The following LGALS3 variants were observed in gnomAD, a reference collection of about 807,000 sequenced individuals.
LGALS3 encodes galectin 3, also known as galectin-3.
In LGALS3, 18 loss-of-function variants were observed where a neutral mutation model predicts 20.7. The observed-to-expected ratio is 0.87, with a 90% CI of 0.60 to 1.29. The LOEUF is 1.29. Among genes scored for constraint, LGALS3 ranks in the 50% most tolerant of loss-of-function variants. LGALS3 has a pLI of 0.00. For synonymous variants in LGALS3, 112 were observed against 119.6 expected, an observed-to-expected ratio of 0.94 and a Z score of 0.42; for missense variants, 315 against 314.7, an observed-to-expected ratio of 1.00 and a Z score of -0.01.
chr14:55,138,031 G>A lies in LGALS3; in HGVS notation c.19-14G>A, dbSNP rs777654038. 6 of 1,491,074 alleles carry A rather than the reference G, an allele frequency of 4.0e-6. No individual in the cohort carries two copies. The South Asian group carries it at 7.4e-5, about 18-fold the overall frequency. 92.4% of individuals were successfully genotyped at this position (1,491,074 alleles called of 1,614,324 possible). A position where few individuals can be genotyped will look rare whatever the true frequency, so the allele number is the denominator to read the frequency against. The stretch of plus-strand genomic sequence containing the variant: ...TGCTTTCTGTCCCGTAATTGTGTAT[G>A]TCTTTCTTTCCAGCTCCATGATGCG... On this transcript the variant is annotated splice_polypyrimidine_tract_variant and intron_variant, in intron 2 of 5. Coordinates refer to ENST00000254301, the MANE Select transcript of LGALS3 (RefSeq NM_002306.4).
intron 4 of LGALS3, among the ~76,000 whole-genome samples, chr14:55,141,363 G>A (rs1458992618): frequency 6.6e-6 from 1 of 152,058 alleles, no homozygotes; most frequent in East Asian, 1.9e-4. Flanking sequence ...GTCCTTATCC[G>A]TATTTCCTCC....
intron 1 of LGALS3, among the ~76,000 whole-genome samples, chr14:55,132,621 G>A (rs1055857633): frequency 1.3e-5 from 2 of 152,106 alleles, no homozygotes; most frequent in Non-Finnish European, 2.9e-5. Context: ...AGGCTGGAGT[G>A]CAGTGGTGCC....
chr14:55,141,874 C>T (rs755934999), intron 4 of LGALS3, among the ~76,000 whole-genome samples: 4 of 152,140 alleles, frequency 2.6e-5, no homozygotes, highest in East Asian at 3.9e-4. Flanking sequence ...CTGGTGTTAC[C>T]GCTCTATAGA....
intron 4 of LGALS3, 66 bp downstream of exon 4, chr14:55,140,429 A>G: frequency 1.0e-6 from 1 of 992,696 alleles, no homozygotes; most frequent in South Asian, 1.5e-5. Context: ...AGAATGGCCT[A>G]CTTTTTTTCT....
In LGALS3 at chr14:55,129,473, C is replaced by T. The variant is rs1310774230; in HGVS notation, c.-5+173C>T. ...CCTCCAGGAGCGGGGCGGCGGGCAG[C>T]GATCTGGGCCCGGGGCAGTCGCCTT... is the stretch of plus-strand genomic sequence containing the variant. On this transcript the variant is annotated intron_variant, in intron 1 of 5. Transcript: ENST00000254301. The surrounding 1 kb of genome is among the most constrained non-coding windows in gnomAD (Gnocchi z 5.3). Among the ~76,000 whole-genome samples the T allele has an allele frequency of 6.6e-6, 1 of 152,102 alleles. No individual in the cohort carries two copies. Among genetic ancestry groups the T allele is most frequent in the Non-Finnish European group, 1.5e-5 (1 of 67,998 alleles).
At chr14:55,137,278 T>C (rs1388785867) in intron 1 of LGALS3, 92 bp from the exon 2 acceptor site, 4 of 1,205,796 alleles carry the variant, frequency 3.3e-6, no homozygotes, top group Non-Finnish European at 5.0e-6. Flanking sequence ...TAGAGATGGA[T>C]TAGAACTGCA....
At chr14:55,134,457 G>T (rs773220899) in intron 1 of LGALS3, among the ~76,000 whole-genome samples, 3 of 152,218 alleles carry the variant, frequency 2.0e-5, no homozygotes, top group Admixed American at 6.5e-5. Context: ...GGTGGAAGAA[G>T]TATGTGTAAT....
intron 3 of LGALS3, among the ~76,000 whole-genome samples, chr14:55,138,963 A>C (rs1182663591): frequency 1.3e-5 from 2 of 152,234 alleles, no homozygotes; most frequent in South Asian, 4.1e-4. Flanking sequence ...CTTCCTTTCC[A>C]GATTTATAAT....
intron 4 of LGALS3, among the ~76,000 whole-genome samples, chr14:55,140,854 C>T (rs1881599170): frequency 6.6e-6 from 1 of 152,118 alleles, no homozygotes; most frequent in South Asian, 2.1e-4. Context: ...ATGAGGTGGG[C>T]TAGGATGGGG....
chr14:55,142,879 C>G, intron 5 of LGALS3, 130 bp downstream of exon 5: 1 of 667,214 alleles, frequency 1.5e-6, no homozygotes, highest in South Asian at 2.2e-5. Context: ...TATCTTCTCC[C>G]TGCCCAGGGG....
At chr14:55,142,824 T>G in intron 5 of LGALS3, 75 bp downstream of exon 5, 9 of 1,228,538 alleles carry the variant, frequency 7.3e-6, no homozygotes, top group Non-Finnish European at 1.0e-5. Context: ...CCAAAGCACT[T>G]GAAGTGAGAG....
chr14:55,138,241 G>T lies in LGALS3; in HGVS notation c.215G>T (p.Gly72Val). 6.2e-7 allele frequency: 1 copy of T among 1,612,688 alleles called. No homozygotes were observed. The highest frequency in any genetic ancestry group is 8.5e-7 in the Non-Finnish European group (1 of 1,179,484). The change falls in exon 3 of 6, where the codon GGA (glycine) becomes GTA (valine). Residue 72 changes from glycine (G) to valine (V), a missense_variant. Coordinates refer to ENST00000254301, the MANE Select transcript of LGALS3 (RefSeq NM_002306.4). ...CCTGGAGCACCTGGAGCTTATCCCG[G>T]AGCACCTGCACCTGGAGTCTACCCA... ...AYPGAPGAYP[G>V]APAPGVYPGP...
In LGALS3 at chr14:55,137,391, G is replaced by A. The variant is rs78001930; in HGVS notation, c.18G>A (p.Ser6=). The change falls in exon 2 of 6, where the codon TCG becomes TCA. Residue 6 remains serine, a splice_region_variant and synonymous_variant. Coordinates refer to ENST00000254301, the MANE Select transcript of LGALS3 (RefSeq NM_002306.4). MADNF[S]LHDALSGSGN... Reference sequence around the variant, plus strand: ...TCAGGAAAATGGCAGACAATTTTTCGGTAAGTGTTTTATGCCTGTTTCTTC... The same window carrying A: ...TCAGGAAAATGGCAGACAATTTTTCAGTAAGTGTTTTATGCCTGTTTCTTC... 2.1e-3 allele frequency: 3,343 copies of A among 1,614,088 alleles called. 6 individuals are homozygous for A. Among genetic ancestry groups the A allele is most frequent in the Non-Finnish European group, 2.6e-3 (3,126 of 1,179,972 alleles).
intron 2 of LGALS3, chr14:55,137,631 A>C: frequency 7.0e-7 from 1 of 1,435,806 alleles, no homozygotes; most frequent in Non-Finnish European, 9.1e-7. Flanking sequence ...CAAAAGGCCC[A>C]GGGCGGAAGG....
intron 4 of LGALS3, among the ~76,000 whole-genome samples, chr14:55,140,934 C>T (rs1881602235): frequency 6.6e-6 from 1 of 152,184 alleles, no homozygotes; most frequent in Admixed American, 6.5e-5. Context: ...GTTGTCACCA[C>T]TGGTTATGTA....
At chr14:55,140,959 T>C (rs1007703868) in intron 4 of LGALS3, among the ~76,000 whole-genome samples, 2 of 152,186 alleles carry the variant, frequency 1.3e-5, no homozygotes, top group African/African-American at 4.8e-5. Context: ...TTACATATCA[T>C]ACAAGGAAGC....
intron 3 of LGALS3, among the ~76,000 whole-genome samples, chr14:55,139,045 A>G (rs1178691502): frequency 2.6e-5 from 4 of 152,204 alleles, no homozygotes; most frequent in Non-Finnish European, 4.4e-5. Flanking sequence ...AGACCATTTC[A>G]GGACTATGCA....
At chr14:55,133,707 C>G (rs1881299661) in intron 1 of LGALS3, among the ~76,000 whole-genome samples, 3 of 152,138 alleles carry the variant, frequency 2.0e-5, no homozygotes, top group South Asian at 2.1e-4. Flanking sequence ...GGTGTTGAAA[C>G]AGTGGAAATG....
intron 5 of LGALS3, 98 bp downstream of exon 5, chr14:55,142,847 C>T (rs1881677729): frequency 1.1e-6 from 1 of 933,230 alleles, no homozygotes; most frequent in Non-Finnish European, 1.6e-6. Context: ...TTTATCACCT[C>T]TCCTAAGGTG....
Sources: allele counts gnomAD v4.1 joint callset (sites outside exome capture counted in the v4.1 genomes callset), GRCh38; gene constraint gnomAD v4.1.1; non-coding constraint Gnocchi (gnomAD v3.1); transcripts MANE v1.5; gene names NCBI Gene and HGNC (gene_info 2026-07-23, HGNC 2026-07-21).